The following CDK8 variants were observed in gnomAD, a reference collection of about 807,000 sequenced individuals.
CDK8 encodes cyclin-dependent kinase 8.
In CDK8, 29 loss-of-function variants were observed where a neutral mutation model predicts 71.5. The observed-to-expected ratio is 0.41, with a 90% CI of 0.30 to 0.55. The LOEUF is 0.55. CDK8 is among the 20% of genes least tolerant of loss of function. The probability of loss-of-function intolerance (pLI) is 0.37; values close to 1 mark genes in which losing one functional copy is unlikely to be tolerated. For missense variants in CDK8, 288 were observed against 572.6 expected (o/e 0.50, Z 5.07); for synonymous variants, 161 against 192.1 (o/e 0.84, Z 1.34).
intron 1 of CDK8, among the ~76,000 whole-genome samples, chr13:26,334,880 T>TCC (rs929697271): frequency 6.6e-6 from 1 of 152,068 alleles, no homozygotes; most frequent in Non-Finnish European, 1.5e-5. Context: ...AAATCGGAAC[T>TCC]CCCCCAGCTT....
At chr13:26,266,565 G>A (rs1872028321) in intron 1 of CDK8, among the ~76,000 whole-genome samples, 1 of 152,184 alleles carries the variant, frequency 6.6e-6, no homozygotes, top group Non-Finnish European at 1.5e-5. Flanking sequence ...GAGATAGGAA[G>A]TGTCACATGT....
intron 1 of CDK8, among the ~76,000 whole-genome samples, chr13:26,329,555 T>G (rs1449760403): frequency 6.6e-6 from 1 of 150,956 alleles, no homozygotes; most frequent in African/African-American, 2.4e-5. Flanking sequence ...CAGGCTGGAG[T>G]GCAGTGGCAG....
intron 2 of CDK8, among the ~76,000 whole-genome samples, chr13:26,338,705 G>A (rs776969448): frequency 6.6e-6 from 1 of 152,122 alleles, no homozygotes; most frequent in Non-Finnish European, 1.5e-5. Flanking sequence ...GAGACCAGGT[G>A]TCTGTATGTT....
chr13:26,368,391 T>C (rs1177119450), intron 4 of CDK8, among the ~76,000 whole-genome samples: 1 of 152,210 alleles, frequency 6.6e-6, no homozygotes, highest in Non-Finnish European at 1.5e-5. Flanking sequence ...TCTTCCCACC[T>C]GGGAGACTGA....
In CDK8 at chr13:26,269,614, A is replaced by C. The variant is rs371338395; in HGVS notation, c.128+14845A>C. Among the ~76,000 whole-genome samples the C allele has an allele frequency of 1.2e-4, 18 of 152,294 alleles. No individual in the cohort carries two copies. In the East Asian group the frequency reaches 3.3e-3, roughly 28 times the overall value. On this transcript the variant is annotated intron_variant, in intron 1 of 12. Coordinates refer to ENST00000381527, the MANE Select transcript of CDK8 (RefSeq NM_001260.3). ...CAGTCTGATGTTCCTAAGTACATGA[A>C]AATTTCAATGCAAGCAAAAAATACT...
intron 1 of CDK8, among the ~76,000 whole-genome samples, chr13:26,272,326 A>T (rs1593230206): frequency 6.6e-6 from 1 of 152,060 alleles, no homozygotes; most frequent in Non-Finnish European, 1.5e-5. Context: ...AAAGAAAAAA[A>T]AGTTTTTATT....
At chr13:26,335,247 C>T (rs1872927245) in intron 1 of CDK8, among the ~76,000 whole-genome samples, 2 of 152,194 alleles carry the variant, frequency 1.3e-5, no homozygotes, top group African/African-American at 4.8e-5. Context: ...GCCACCACAT[C>T]GCTGCAACCA....
intron 1 of CDK8, among the ~76,000 whole-genome samples, chr13:26,285,099 C>T (rs1239883861): frequency 1.3e-5 from 2 of 152,146 alleles, no homozygotes; most frequent in East Asian, 1.9e-4. Flanking sequence ...GTTAGCCGGG[C>T]GTGGTGGCAC....
At chr13:26,298,812 C>G (rs1352698182) in intron 1 of CDK8, among the ~76,000 whole-genome samples, 4 of 152,110 alleles carry the variant, frequency 2.6e-5, no homozygotes, top group Non-Finnish European at 4.4e-5. Context: ...TGACGCTTTT[C>G]CGGTAGTGTT....
At chr13:26,393,330 ATTTTTCTTTCTTTTTT>A in intron 6 of CDK8, 21 bp from the exon 7 acceptor site, 1 of 1,353,248 alleles carries the variant, frequency 7.4e-7, no homozygotes. Context: ...TTCCTTGCCT[ATTTTTCTTTCTTTTTT>A]TTTTTCTTTT....
At chr13:26,309,496 T>C (rs1402709229) in intron 1 of CDK8, among the ~76,000 whole-genome samples, 2 of 152,198 alleles carry the variant, frequency 1.3e-5, no homozygotes, top group Non-Finnish European at 2.9e-5. Context: ...AGCTTTTGAA[T>C]TATTATACTT....
At chr13:26,322,288 AG>A (rs1209608608) in intron 1 of CDK8, among the ~76,000 whole-genome samples, 1 of 152,158 alleles carries the variant, frequency 6.6e-6, no homozygotes, top group African/African-American at 2.4e-5. Flanking sequence ...CAAATAGAAA[AG>A]GTTAATATTA....
intron 6 of CDK8, among the ~76,000 whole-genome samples, chr13:26,392,124 TAAGAG>T (rs1210863740): frequency 6.6e-6 from 1 of 152,184 alleles, no homozygotes. Flanking sequence ...TAGGATTTGT[TAAGAG>T]TAGAAATGAA....
At chr13:26,371,436 A>G (rs564193347) in intron 4 of CDK8, among the ~76,000 whole-genome samples, 1 of 152,294 alleles carries the variant, frequency 6.6e-6, no homozygotes, top group Non-Finnish European at 1.5e-5. Context: ...TTGGAGAACT[A>G]TCAGTCTGAA....
At chr13:26,399,435 A>T (rs980438711) in intron 9 of CDK8, among the ~76,000 whole-genome samples, 57 of 152,164 alleles carry the variant, frequency 3.7e-4, no homozygotes, top group African/African-American at 1.3e-3. Flanking sequence ...CACATCTACC[A>T]ATCAGAAACT....
At chr13:26,328,286 A>G (rs989624586) in intron 1 of CDK8, among the ~76,000 whole-genome samples, 3 of 152,356 alleles carry the variant, frequency 2.0e-5, no homozygotes, top group Admixed American at 6.5e-5. Flanking sequence ...AGTTCTTACT[A>G]TATAACTAAA....
At chr13:26,384,595 A>T (rs12871758) in intron 5 of CDK8, among the ~76,000 whole-genome samples, 8,296 of 152,276 alleles carry the variant, frequency 0.054, 309 homozygotes, top group Middle Eastern at 0.12. Context: ...CTGAGGTATG[A>T]GTATGTACCT....
In CDK8 at chr13:26,404,911, T is replaced by C. The variant is rs889196607; in HGVS notation, c.*830T>C. On this transcript the variant is annotated 3_prime_UTR_variant, in exon 13 of 13. Coordinates refer to ENST00000381527, the MANE Select transcript of CDK8 (RefSeq NM_001260.3). ...AGCATGCTTTAAGATGAAAAAAGCA[T>C]GAATGATAACTTCCTTAAAAAGGTG... 1 of 209,824 alleles carries C rather than the reference T, an allele frequency of 4.8e-6. No homozygotes were observed. The highest frequency in any genetic ancestry group is 9.7e-6 in the Non-Finnish European group (1 of 103,364). The allele number at this position is 209,824 out of a possible 1,614,324, so 13.0% of individuals were successfully genotyped here.
chr13:26,273,127 G>C (rs1025996033), intron 1 of CDK8, among the ~76,000 whole-genome samples: 1 of 152,148 alleles, frequency 6.6e-6, no homozygotes, highest in African/African-American at 2.4e-5. Context: ...CTAAGGGGTT[G>C]AACTTCTTTC....
Sources: allele counts gnomAD v4.1 joint callset (sites outside exome capture counted in the v4.1 genomes callset), GRCh38; gene constraint gnomAD v4.1.1; transcripts MANE v1.5; gene names NCBI Gene and HGNC (gene_info 2026-07-23, HGNC 2026-07-21).